CAMK2A: variants seen among roughly 807,000 people sequenced by gnomAD.
The protein encoded by CAMK2A is calcium/calmodulin dependent protein kinase II alpha.
A neutral mutation model predicts 79.2 loss-of-function variants in CAMK2A; 7 were observed. The observed-to-expected ratio is 0.09, with a 90% CI of 0.05 to 0.17. The LOEUF is 0.17. Ranked by LOEUF, CAMK2A falls within the 10% of genes least tolerant of loss-of-function variation. The probability of loss-of-function intolerance (pLI) is 1.00; values close to 1 mark genes in which losing one functional copy is unlikely to be tolerated. For missense variants in CAMK2A, 214 were observed against 646.4 expected, an observed-to-expected ratio of 0.33 and a Z score of 7.25; for synonymous variants, 242 against 251.7, an observed-to-expected ratio of 0.96 and a Z score of 0.36.
At chr5:150,241,663 C>T (rs988341465) in intron 13 of CAMK2A, among the ~76,000 whole-genome samples, 4 of 146,668 alleles carry the variant, frequency 2.7e-5, no homozygotes, top group Non-Finnish European at 6.0e-5. Context: ...CCTCTCTTCT[C>T]CTCTCCCTTC....
At chr5:150,236,363 A>C (rs189112175) in intron 15 of CAMK2A, among the ~76,000 whole-genome samples, 13 of 152,362 alleles carry the variant, frequency 8.5e-5, no homozygotes, top group Admixed American at 6.5e-5. Flanking sequence ...CTGTCATTCA[A>C]CCACGAACTA....
At chr5:150,288,414 C>G (rs552108227) in intron 1 of CAMK2A, among the ~76,000 whole-genome samples, 2 of 152,176 alleles carry the variant, frequency 1.3e-5, no homozygotes, top group South Asian at 2.1e-4. Context: ...GCCTTACACA[C>G]GAAGCACCTC....
intron 13 of CAMK2A, among the ~76,000 whole-genome samples, chr5:150,243,685 G>A (rs1755441801): frequency 6.6e-6 from 1 of 152,182 alleles, no homozygotes; most frequent in African/African-American, 2.4e-5. Flanking sequence ...CATCTCATGA[G>A]TGTGTATTAC....
In CAMK2A at chr5:150,231,352, T is replaced by C; in HGVS notation, c.1095A>G (p.Thr365=). 1 of 1,588,880 alleles carries C rather than the reference T, an allele frequency of 6.3e-7. No homozygotes were observed. Among genetic ancestry groups the C allele is most frequent in the South Asian group, 1.2e-5 (1 of 86,616 alleles). Residue 365 remains threonine (T), a synonymous_variant, in exon 16 of 19, where the codon ACA becomes ACG. Transcript: ENST00000671881. ...TGCTTATGGCTTCAATCAGCTGCTC[T>C]GTCACTTTTATAATTTCCTGTTTCC... ...KVRKQEIIKV[T]EQLIEAISNG...
chr5:150,232,070 G>A (rs1334448231), intron 15 of CAMK2A, among the ~76,000 whole-genome samples: 1 of 152,198 alleles, frequency 6.6e-6, no homozygotes, highest in Admixed American at 6.5e-5. Flanking sequence ...CGTCTTATTA[G>A]ATGTGTGATG....
chr5:150,270,104 G>C (rs1437928551), intron 2 of CAMK2A, among the ~76,000 whole-genome samples: 1 of 152,226 alleles, frequency 6.6e-6, no homozygotes, highest in African/African-American at 2.4e-5. Context: ...GTGCAGTGGG[G>C]AGGACGAGCT....
chr5:150,279,224 G>A (rs1023105584), intron 1 of CAMK2A, among the ~76,000 whole-genome samples: 1 of 152,180 alleles, frequency 6.6e-6, no homozygotes, highest in Admixed American at 6.5e-5. Context: ...CAGTGGAACT[G>A]AGCACCAAAT....
intron 12 of CAMK2A, among the ~76,000 whole-genome samples, chr5:150,245,542 G>A (rs907499810): frequency 2.0e-5 from 3 of 152,188 alleles, no homozygotes; most frequent in Non-Finnish European, 2.9e-5. Context: ...CCGTGCTGGC[G>A]GTGGCCAACC....
At chr5:150,250,522 A>T (rs1182289672) in intron 10 of CAMK2A, among the ~76,000 whole-genome samples, 166 bp downstream of exon 10, 2 of 151,858 alleles carry the variant, frequency 1.3e-5, no homozygotes, top group Non-Finnish European at 2.9e-5. Flanking sequence ...AACCCAGAAC[A>T]CTCACTCCTC....
chr5:150,278,953 A>T (rs1385228051), intron 1 of CAMK2A, among the ~76,000 whole-genome samples: 1 of 152,156 alleles, frequency 6.6e-6, no homozygotes, highest in South Asian at 2.1e-4. Context: ...ACAGACAGGC[A>T]GACACCGGAG....
In CAMK2A at chr5:150,222,610, G is replaced by T; in HGVS notation, c.*100C>A. The stretch of plus-strand genomic sequence containing the variant: ...TGACGGTGGTGGGGTGATGACATGG[G>T]AGAATTCCAGCAAAATCCACCTGGG... On this transcript the variant is annotated 3_prime_UTR_variant, in exon 19 of 19. Coordinates refer to ENST00000671881, the MANE Select transcript of CAMK2A (RefSeq NM_015981.4). 1 of 1,328,602 alleles carries T rather than the reference G, an allele frequency of 7.5e-7. No individual in the cohort carries two copies. The highest frequency in any genetic ancestry group is 1.1e-6 in the Non-Finnish European group (1 of 923,594). 82.3% of individuals were successfully genotyped at this position (1,328,602 alleles called of 1,614,324 possible).
chr5:150,239,476 G>A (rs1196452358), intron 14 of CAMK2A, among the ~76,000 whole-genome samples: 1 of 152,172 alleles, frequency 6.6e-6, no homozygotes, highest in South Asian at 2.1e-4. Context: ...GAGGATCTCA[G>A]GTCTGCTGTC....
At chr5:150,287,841 T>C (rs548313570) in intron 1 of CAMK2A, among the ~76,000 whole-genome samples, 2 of 152,034 alleles carry the variant, frequency 1.3e-5, no homozygotes, top group East Asian at 1.9e-4. Flanking sequence ...AAAAAGCACA[T>C]TCAGAAAAGC....
At chr5:150,241,704 C>G (rs1454374946) in intron 13 of CAMK2A, among the ~76,000 whole-genome samples, 8 of 148,348 alleles carry the variant, frequency 5.4e-5, no homozygotes, top group Non-Finnish European at 1.2e-4. Flanking sequence ...CTCCTCCTTC[C>G]TCTCTTCCTT....
chr5:150,265,317 C>CCTG, intron 2 of CAMK2A: 2 of 341,140 alleles, frequency 5.9e-6, no homozygotes, highest in Non-Finnish European at 1.1e-5. Context: ...AGGCCCTATA[C>CCTG]TCTAGCCAGA....
Position 150,222,414 on chromosome 5 carries a change from C to G in CAMK2A, c.*296G>C, listed in dbSNP as rs905371320. 86 of 675,932 alleles carry G rather than the reference C, an allele frequency of 1.3e-4. No homozygotes were observed. The highest frequency in any genetic ancestry group is 2.3e-4 in the Non-Finnish European group (84 of 371,306). 41.9% of individuals were successfully genotyped at this position (675,932 alleles called of 1,614,324 possible). ...TACAGCCCAAGACAGATCAGGCGGA[C>G]AGCAGCTGAGGCTGGGGAGAGGGGG... is the stretch of plus-strand genomic sequence containing the variant. On this transcript the variant is annotated 3_prime_UTR_variant, in exon 19 of 19. Transcript: ENST00000671881.
rs1269538610 is a variant in CAMK2A, at chr5:150,257,506, T to C, written c.272+57A>G. Reference sequence around the variant, plus strand: ...CAGCCCAAGAGGTCCAGTGAGGCCATCACTGGTTAGGCAGCCCCAACACCG... The same window carrying C: ...CAGCCCAAGAGGTCCAGTGAGGCCACCACTGGTTAGGCAGCCCCAACACCG... On this transcript the variant is annotated intron_variant, in intron 4 of 18. Coordinates refer to ENST00000671881, the MANE Select transcript of CAMK2A (RefSeq NM_015981.4). 3.5e-6 allele frequency: 5 copies of C among 1,448,702 alleles called. No homozygotes were observed. The Admixed American group carries it at 9.8e-5, about 28-fold the overall frequency. The allele number at this position is 1,448,702 out of a possible 1,614,324, so 89.7% of individuals were successfully genotyped here.
At position 150,228,270 on chromosome 5, in the gene CAMK2A, C is replaced by T; in HGVS notation, c.1159G>A (p.Gly387Ser). The T allele has an allele frequency of 6.2e-7, 1 of 1,613,834 alleles. No individual in the cohort carries two copies. Among genetic ancestry groups the T allele is most frequent in the Non-Finnish European group, 8.5e-7 (1 of 1,179,894 alleles). Residue 387 changes from glycine to serine, a missense_variant, in exon 17 of 19, where the codon GGC (glycine) becomes AGC (serine). Gly to Ser is a moderately conservative substitution (Grantham distance 56). Transcript: ENST00000671881. ...GCCTCAGGTTCGAAGGCTGTCATGCCAGGGTCGCACATCTTCCTGGGGGAA... is the reference window on the plus strand; with the variant it reads ...GCCTCAGGTTCGAAGGCTGTCATGCTAGGGTCGCACATCTTCCTGGGGGAA... ...FESYTKMCDP[G>S]MTAFEPEALG...
At position 150,230,908 on chromosome 5, in the gene CAMK2A, G is replaced by T. The variant is rs189621069; in HGVS notation, c.1142+397C>A. On this transcript the variant is annotated intron_variant, in intron 16 of 18. Coordinates refer to ENST00000671881, the MANE Select transcript of CAMK2A (RefSeq NM_015981.4). ...TCAGAGGTCCAAGGGAGTCTAGGGT[G>T]AGCACTCAGGCCTACTGGGCAGGAA... is the stretch of plus-strand genomic sequence containing the variant. 5.5e-3 allele frequency among the ~76,000 whole-genome samples: 837 copies of T among 152,300 alleles called. 12 individuals are homozygous for T. Among genetic ancestry groups the T allele is most frequent in the Middle Eastern group, 0.037 (11 of 294 alleles).
Sources: allele counts gnomAD v4.1 joint callset (sites outside exome capture counted in the v4.1 genomes callset), GRCh38; gene constraint gnomAD v4.1.1; transcripts MANE v1.5; gene names NCBI Gene and HGNC (gene_info 2026-07-23, HGNC 2026-07-21).